The following ZFAT variants were observed in gnomAD, a reference collection of about 807,000 sequenced individuals.
ZFAT encodes zinc finger protein ZFAT.
ZFAT carries 64 observed loss-of-function variants against 117.7 expected under a neutral mutation model. The observed-to-expected ratio is 0.54, with a 90% confidence interval of 0.44 to 0.67. The LOEUF is 0.67. Ranked by LOEUF, ZFAT falls within the 30% of genes least tolerant of loss-of-function variation. The pLI, the probability that ZFAT is intolerant of heterozygous loss-of-function variation, is 0.00. For missense variants in ZFAT, 1,433 were observed against 1,584.5 expected, an observed-to-expected ratio of 0.90 and a Z score of 1.62; for synonymous variants, 679 against 615.0, an observed-to-expected ratio of 1.10 and a Z score of -1.54.
chr8:134,675,106 T>C (rs1222821068), intron 1 of ZFAT, among the ~76,000 whole-genome samples: 1 of 151,566 alleles, frequency 6.6e-6, no homozygotes, highest in Non-Finnish European at 1.5e-5. Context: ...GGAGAATGAG[T>C]TTGACAAATT....
chr8:134,627,923 C>T (rs995944935), intron 3 of ZFAT, among the ~76,000 whole-genome samples: 1 of 152,152 alleles, frequency 6.6e-6, no homozygotes, highest in Admixed American at 6.5e-5. Flanking sequence ...GGAACCAGGC[C>T]GTGGTGCAAG....
intron 15 of ZFAT, among the ~76,000 whole-genome samples, chr8:134,488,892 G>A (rs561560966): frequency 2.4e-4 from 36 of 150,666 alleles, no homozygotes; most frequent in African/African-American, 8.8e-4. Context: ...AGAGCAAAGG[G>A]TGTAGCAACA....
At chr8:134,827,798 T>C in the ZFAT span, among the ~76,000 whole-genome samples, 9 of 151,778 alleles carry the variant, frequency 5.9e-5, no homozygotes, top group Admixed American at 5.9e-4. Context: ...CTAGTTAATA[T>C]TATTTTGAAA....
At chr8:134,691,753 ACCTGTCTC>A (rs1385434780) in intron 1 of ZFAT, among the ~76,000 whole-genome samples, 1 of 152,212 alleles carries the variant, frequency 6.6e-6, no homozygotes, top group Non-Finnish European at 1.5e-5. Flanking sequence ...TATTGGTTTA[ACCTGTCTC>A]CCTCAATAGA....
the ZFAT span, among the ~76,000 whole-genome samples, chr8:134,743,246 C>T: frequency 2.8e-3 from 420 of 152,242 alleles, no homozygotes; most frequent in African/African-American, 9.6e-3. Flanking sequence ...CTCAACACTT[C>T]GGGAGGCAGA....
At chr8:134,824,955 T>A in the ZFAT span, among the ~76,000 whole-genome samples, 1 of 152,092 alleles carries the variant, frequency 6.6e-6, no homozygotes. Flanking sequence ...ATAAGTGTAA[T>A]TTTTTTTCCA....
At chr8:134,617,610 G>T (rs1292147838) in intron 3 of ZFAT, among the ~76,000 whole-genome samples, 1 of 152,132 alleles carries the variant, frequency 6.6e-6, no homozygotes, top group Non-Finnish European at 1.5e-5. Context: ...CAATCATCAG[G>T]CAGTTATCAC....
the ZFAT span, among the ~76,000 whole-genome samples, chr8:134,755,209 G>C: frequency 6.8e-6 from 1 of 148,026 alleles, no homozygotes; most frequent in Admixed American, 6.7e-5. Context: ...TTCAAGACCA[G>C]CCTGGGCAAC....
the ZFAT span, among the ~76,000 whole-genome samples, chr8:134,790,000 T>C: frequency 6.6e-6 from 1 of 152,244 alleles, no homozygotes; most frequent in African/African-American, 2.4e-5. Flanking sequence ...ATGCATACTC[T>C]AGTGGAAGCT....
At chr8:134,501,295 A>C (rs1407589204) in intron 15 of ZFAT, among the ~76,000 whole-genome samples, 2 of 152,206 alleles carry the variant, frequency 1.3e-5, no homozygotes, top group African/African-American at 4.8e-5. Flanking sequence ...GGACACATGC[A>C]ATTCTCTTGC....
At chr8:134,801,472 T>C in the ZFAT span, among the ~76,000 whole-genome samples, 51 of 152,192 alleles carry the variant, frequency 3.4e-4, 2 homozygotes, top group Non-Finnish European at 4.4e-5. Context: ...TCTTTGGCAT[T>C]TCACAGGTAA....
chr8:134,600,238 C>CT, intron 7 of ZFAT, 198 bp downstream of exon 7: 2 of 624,724 alleles, frequency 3.2e-6, no homozygotes, highest in Non-Finnish European at 5.7e-6. Flanking sequence ...CATCTAATCT[C>CT]TTTTTTCAAC....
chr8:134,815,778 A>G, the ZFAT span, among the ~76,000 whole-genome samples: 1 of 152,156 alleles, frequency 6.6e-6, no homozygotes, highest in Non-Finnish European at 1.5e-5. Flanking sequence ...GGGCATTTCT[A>G]CTCAAATGTC....
intron 11 of ZFAT, among the ~76,000 whole-genome samples, chr8:134,545,280 A>T (rs1283196063): frequency 2.6e-5 from 4 of 152,182 alleles, no homozygotes; most frequent in Non-Finnish European, 5.9e-5. Context: ...TGGGAGGCTG[A>T]GGTGGAGAAA....
chr8:134,540,371 A>G (rs1428108263), intron 11 of ZFAT, among the ~76,000 whole-genome samples: 1 of 152,230 alleles, frequency 6.6e-6, no homozygotes, highest in Admixed American at 6.5e-5. Flanking sequence ...GTTCTCTTTT[A>G]ACATGTTCAC....
intron 12 of ZFAT, among the ~76,000 whole-genome samples, chr8:134,527,192 G>A (rs1379851311): frequency 6.6e-6 from 1 of 152,230 alleles, no homozygotes; most frequent in Non-Finnish European, 1.5e-5. Flanking sequence ...GTAGCCTCTA[G>A]AGGCTAGAAA....
chr8:134,540,807 T>C (rs564012000), intron 11 of ZFAT, among the ~76,000 whole-genome samples: 33 of 152,340 alleles, frequency 2.2e-4, no homozygotes, highest in African/African-American at 7.9e-4. Flanking sequence ...ACCTAAAAAA[T>C]AGATTTCAAG....
the ZFAT span, among the ~76,000 whole-genome samples, chr8:134,810,891 C>T: frequency 3.3e-5 from 5 of 151,976 alleles, no homozygotes; most frequent in African/African-American, 1.2e-4. Flanking sequence ...TCTGTGAGTA[C>T]AACAGAGTTC....
the ZFAT span, chr8:134,794,370 C>T: frequency 1.8e-4 from 28 of 152,320 alleles, no homozygotes; most frequent in Non-Finnish European, 4.1e-4. Flanking sequence ...CATACATACA[C>T]GGTATAAGTT....
Sources: allele counts gnomAD v4.1 joint callset (sites outside exome capture counted in the v4.1 genomes callset), GRCh38; gene constraint gnomAD v4.1.1; transcripts MANE v1.5; gene names NCBI Gene and HGNC (gene_info 2026-07-23, HGNC 2026-07-21).